SEPTIN9: variants seen among roughly 807,000 people sequenced by gnomAD.
The protein encoded by SEPTIN9 is septin 9.
A neutral mutation model predicts 56.6 loss-of-function variants in SEPTIN9; 13 were observed. The observed-to-expected ratio is 0.23, with a 90% CI of 0.15 to 0.37. The LOEUF is 0.37. Ranked by LOEUF, SEPTIN9 falls within the 10% of genes least tolerant of loss-of-function variation. The pLI is 1.00. For synonymous variants in SEPTIN9, 332 were observed against 334.1 expected (o/e 0.99, Z 0.07); for missense variants, 650 against 823.1 (o/e 0.79, Z 2.57).
chr17:77,284,813 A>T (rs907009860), intron 1 of SEPTIN9, among the ~76,000 whole-genome samples: 4 of 151,996 alleles, frequency 2.6e-5, no homozygotes, highest in African/African-American at 9.7e-5. Context: ...TATTTTTACT[A>T]GAGATGGGGT....
At chr17:77,466,802 G>A (rs1278267039) in intron 3 of SEPTIN9, among the ~76,000 whole-genome samples, 1 of 152,226 alleles carries the variant, frequency 6.6e-6, no homozygotes, top group Non-Finnish European at 1.5e-5. Flanking sequence ...GAGAATCTGA[G>A]GAAGGCCTCG....
At chr17:77,494,580 T>TA (rs549357418) in intron 10 of SEPTIN9, among the ~76,000 whole-genome samples, 296 of 152,230 alleles carry the variant, frequency 1.9e-3, no homozygotes, top group African/African-American at 6.6e-3. Flanking sequence ...GCTGTTGCTC[T>TA]AAAAAAATGG....
chr17:77,321,873 G>A (rs370375263), intron 2 of SEPTIN9, among the ~76,000 whole-genome samples: 1 of 152,364 alleles, frequency 6.6e-6, no homozygotes, highest in South Asian at 2.1e-4. Flanking sequence ...CCGCTGGGAC[G>A]GGTGGGTGTG....
At chr17:77,473,749 A>G (rs900526612) in intron 3 of SEPTIN9, among the ~76,000 whole-genome samples, 2 of 152,242 alleles carry the variant, frequency 1.3e-5, no homozygotes, top group Admixed American at 6.5e-5. Context: ...ATGAACTTCA[A>G]ATTCCCATGT....
intron 2 of SEPTIN9, among the ~76,000 whole-genome samples, chr17:77,320,686 G>C (rs990078748): frequency 6.6e-6 from 1 of 152,176 alleles, no homozygotes; most frequent in African/African-American, 2.4e-5. Flanking sequence ...CCCCTGGCTC[G>C]GGTCTGGGGC....
chr17:77,373,595 A>G (rs1450360156), intron 2 of SEPTIN9: 46 of 1,535,654 alleles, frequency 3.0e-5, no homozygotes, highest in South Asian at 4.9e-5. Context: ...CGTGCTGGAG[A>G]GGACCCTGCG....
intron 2 of SEPTIN9, among the ~76,000 whole-genome samples, chr17:77,397,380 C>T (rs1442519548): frequency 2.0e-5 from 3 of 152,090 alleles, no homozygotes; most frequent in East Asian, 1.9e-4. Context: ...ATAAGGACAC[C>T]GAGCACTGGA....
At chr17:77,382,661 C>A (rs2035185382) in intron 2 of SEPTIN9, among the ~76,000 whole-genome samples, 1 of 152,232 alleles carries the variant, frequency 6.6e-6, no homozygotes, top group South Asian at 2.1e-4. Context: ...GAGCTTTAAA[C>A]CCTGGGCCTC....
At chr17:77,413,748 A>G (rs956275709) in intron 3 of SEPTIN9, among the ~76,000 whole-genome samples, 1 of 151,616 alleles carries the variant, frequency 6.6e-6, no homozygotes, top group Non-Finnish European at 1.5e-5. Context: ...AATTATGAGA[A>G]GTTTGGAGTT....
intron 2 of SEPTIN9, among the ~76,000 whole-genome samples, chr17:77,334,421 CAAA>C (rs34122443): frequency 1.1e-4 from 10 of 92,262 alleles, no homozygotes; most frequent in Admixed American, 1.1e-4. Flanking sequence ...GACTCTGTCT[CAAA>C]AAAAAAAAAA....
chr17:77,411,635 TGA>T (rs2036305728), intron 3 of SEPTIN9, among the ~76,000 whole-genome samples: 1 of 151,654 alleles, frequency 6.6e-6, no homozygotes, highest in African/African-American at 2.4e-5. Flanking sequence ...CTCCTGACCT[TGA>T]GATCCGCCCA....
chr17:77,401,701 A>G (rs2035906087), intron 2 of SEPTIN9, among the ~76,000 whole-genome samples: 1 of 151,822 alleles, frequency 6.6e-6, no homozygotes, highest in Non-Finnish European at 1.5e-5. Flanking sequence ...AGCCAGGGCA[A>G]CAGAGCAAGA....
chr17:77,481,867 C>T (rs1441633748), intron 3 of SEPTIN9: 1 of 516,718 alleles, frequency 1.9e-6, no homozygotes, highest in Non-Finnish European at 3.5e-6. Context: ...TGGCACAGCT[C>T]CTAGAAGAGG....
At chr17:77,282,701 C>G (rs764347593) in intron 1 of SEPTIN9, among the ~76,000 whole-genome samples, 1 of 152,220 alleles carries the variant, frequency 6.6e-6, no homozygotes, top group Non-Finnish European at 1.5e-5. Flanking sequence ...CCGGTTGTTG[C>G]GAACAAGATG....
At chr17:77,345,066 A>G (rs1325682199) in intron 2 of SEPTIN9, among the ~76,000 whole-genome samples, 2 of 152,046 alleles carry the variant, frequency 1.3e-5, no homozygotes, top group South Asian at 2.1e-4. Flanking sequence ...GCCAGACATG[A>G]AAAGACAAAT....
chr17:77,380,676 G>A (rs918724230), intron 2 of SEPTIN9, among the ~76,000 whole-genome samples: 8 of 152,078 alleles, frequency 5.3e-5, no homozygotes, highest in Admixed American at 1.3e-4. Flanking sequence ...CCATCCACCC[G>A]CTTCCCCTCC....
Position 77,451,770 on chromosome 17 carries a change from G to A in SEPTIN9, c.722-30374G>A, listed in dbSNP as rs1483626946. On this transcript the variant is annotated intron_variant, in intron 3 of 11. Transcript: ENST00000427177. The surrounding 1 kb of genome is among the most constrained non-coding windows in gnomAD (Gnocchi z 4.2). ...AAAATAGAAGAATAGGGCTTTGTGT[G>A]GTCACAGCTATCTCTTTGTAAATAT... is the stretch of plus-strand genomic sequence containing the variant. Among the ~76,000 whole-genome samples the A allele has an allele frequency of 6.6e-6, 1 of 152,220 alleles. No individual in the cohort carries two copies. Among genetic ancestry groups the A allele is most frequent in the Admixed American group, 6.5e-5 (1 of 15,278 alleles).
chr17:77,472,220 C>G (rs1346935836), intron 3 of SEPTIN9, among the ~76,000 whole-genome samples: 4 of 152,108 alleles, frequency 2.6e-5, no homozygotes, highest in Non-Finnish European at 5.9e-5. Flanking sequence ...TGTGAGGAGC[C>G]CTTGGACCTT....
intron 4 of SEPTIN9, 104 bp downstream of exon 4, chr17:77,482,439 G>T (rs776771564): frequency 8.6e-7 from 1 of 1,168,398 alleles, no homozygotes; most frequent in South Asian, 1.3e-5. Flanking sequence ...CTGTAAAATG[G>T]GGCAGCAACC....
Sources: allele counts gnomAD v4.1 joint callset (sites outside exome capture counted in the v4.1 genomes callset), GRCh38; gene constraint gnomAD v4.1.1; non-coding constraint Gnocchi (gnomAD v3.1); transcripts MANE v1.5; gene names NCBI Gene and HGNC (gene_info 2026-07-23, HGNC 2026-07-21).